Variants in PTPRS observed in about 807,000 individuals in gnomAD.
The protein encoded by PTPRS is receptor-type tyrosine-protein phosphatase S.
In PTPRS, 63 loss-of-function variants were observed where a neutral mutation model predicts 215.3. The observed-to-expected ratio is 0.29, with a 90% CI of 0.24 to 0.36. The LOEUF is 0.36. PTPRS is among the 10% of genes least tolerant of loss of function. The probability of loss-of-function intolerance (pLI) is 1.00; values close to 1 mark genes in which losing one functional copy is unlikely to be tolerated. For missense variants in PTPRS, 2,258 were observed against 2,825.8 expected (o/e 0.80, Z 4.56); for synonymous variants, 1,404 against 1,191.4 (o/e 1.18, Z -3.68).
intron 14 of PTPRS, among the ~76,000 whole-genome samples, chr19:5,230,125 A>G (rs1028643906): frequency 1.1e-4 from 16 of 152,168 alleles, no homozygotes; most frequent in Non-Finnish European, 4.4e-5. Context: ...TATGTTCCTA[A>G]ATACCCAAGC....
At chr19:5,212,570 GTGGTGGCTCA>G in intron 30 of PTPRS, 79 bp from the exon 31 acceptor site, 1 of 1,493,128 alleles carries the variant, frequency 6.7e-7, no homozygotes, top group Non-Finnish European at 9.0e-7. Flanking sequence ...GTGGCCGGGT[GTGGTGGCTCA>G]TGCCTGTTAT....
At position 5,288,002 on chromosome 19, in the gene PTPRS, A is replaced by ACACACG. The variant is rs1555800399; in HGVS notation, c.-94-1769_-94-1768insCGTGTG. Among the ~76,000 whole-genome samples, 4 of 142,020 alleles carry ACACACG rather than the reference A, an allele frequency of 2.8e-5. No individual in the cohort carries two copies. The South Asian group carries it at 8.8e-4, about 31-fold the overall frequency. 93.2% of individuals were successfully genotyped at this position (142,020 alleles called of 152,430 possible). On this transcript the variant is annotated intron_variant, in intron 1 of 37. Coordinates refer to ENST00000262963, the MANE Select transcript of PTPRS (RefSeq NM_002850.4). Reference sequence around the variant, plus strand: ...CACACACACACACACACACACACACACACACACAATCAGGCAAATAAAACT... The same window carrying ACACACG: ...CACACACACACACACACACACACACACACACGCACACACAATCAGGCAAATAAAACT...
intron 1 of PTPRS, among the ~76,000 whole-genome samples, chr19:5,311,681 G>T (rs887912048): frequency 6.6e-6 from 1 of 152,148 alleles, no homozygotes; most frequent in Non-Finnish European, 1.5e-5. Context: ...CCTGGCTGGC[G>T]GCTGGGGTGG....
chr19:5,296,587 GA>G (rs1392683117), intron 1 of PTPRS, among the ~76,000 whole-genome samples: 1 of 152,072 alleles, frequency 6.6e-6, no homozygotes, highest in Non-Finnish European at 1.5e-5. Context: ...GAGAGAAAGT[GA>G]AAGAGGATTC....
At chr19:5,217,575 G>A (rs1451450132) in intron 25 of PTPRS, among the ~76,000 whole-genome samples, 1 of 152,190 alleles carries the variant, frequency 6.6e-6, no homozygotes, top group Non-Finnish European at 1.5e-5. Context: ...AATGGCATGT[G>A]AGGCTATGCA....
At position 5,215,602 on chromosome 19, in the gene PTPRS, G is replaced by A; in HGVS notation, c.4097-7C>T. 6.3e-7 allele frequency: 1 copy of A among 1,594,046 alleles called. No homozygotes were observed. Among genetic ancestry groups the A allele is most frequent in the Non-Finnish European group, 8.6e-7 (1 of 1,167,978 alleles). On this transcript the variant is annotated splice_region_variant and splice_polypyrimidine_tract_variant and intron_variant, in intron 26 of 37. Transcript: ENST00000262963. The stretch of plus-strand genomic sequence containing the variant: ...GGCGGGTGGCTAAGCATGCCTACAG[G>A]GTGGAGCAGACCCCGCCGGGGTTGG...
At position 5,206,386 on chromosome 19, in the gene PTPRS, G is replaced by GC. The variant is rs1005431542; in HGVS notation, c.*387dup. On this transcript the variant is annotated 3_prime_UTR_variant, in exon 38 of 38. Transcript: ENST00000262963. Reference sequence around the variant, plus strand: ...TCCCCAGGCTGCAGAGCGGGGAGGAGCCCCCCGGGTCCCCCTACCACCGCT... The same window carrying GC: ...TCCCCAGGCTGCAGAGCGGGGAGGAGCCCCCCCGGGTCCCCCTACCACCGCT... 7.9e-5 allele frequency: 20 copies of GC among 252,176 alleles called. No individual in the cohort carries two copies. Among genetic ancestry groups the GC allele is most frequent in the East Asian group, 5.4e-4 (9 of 16,548 alleles). The allele number at this position is 252,176 out of a possible 1,614,324, so 15.6% of individuals were successfully genotyped here.
In PTPRS at chr19:5,287,560, A is replaced by ACCCATGCCAG. The variant is rs2048446737; in HGVS notation, c.-94-1336_-94-1327dup. 6.6e-6 allele frequency among the ~76,000 whole-genome samples: 1 copy of ACCCATGCCAG among 152,110 alleles called. No individual in the cohort carries two copies. The highest frequency in any genetic ancestry group is 2.4e-5 in the African/African-American group (1 of 41,430). ...ATCTTTGTTGCCTAGTCAGGCTGGC[A>ACCCATGCCAG]CCCATGCCAGCCCATGCCCTGGGCG... On this transcript the variant is annotated intron_variant, in intron 1 of 37. Transcript: ENST00000262963. The surrounding 1 kb of genome is among the most constrained non-coding windows in gnomAD (Gnocchi z 4.8).
chr19:5,225,185 G>A (rs1010170925), intron 17 of PTPRS, among the ~76,000 whole-genome samples: 2 of 152,180 alleles, frequency 1.3e-5, no homozygotes, highest in Non-Finnish European at 2.9e-5. Flanking sequence ...CTGAGGCAGG[G>A]CCACCAAGAG....
At chr19:5,291,767 C>T (rs1054144774) in intron 1 of PTPRS, among the ~76,000 whole-genome samples, 3 of 152,008 alleles carry the variant, frequency 2.0e-5, no homozygotes, top group African/African-American at 7.3e-5. Flanking sequence ...CCCGTTCCTC[C>T]TCTGCTCTAA....
At chr19:5,217,681 A>T (rs1277334029) in intron 25 of PTPRS, among the ~76,000 whole-genome samples, 1 of 152,244 alleles carries the variant, frequency 6.6e-6, no homozygotes, top group East Asian at 1.9e-4. Context: ...CAGTTCAGAG[A>T]TACGAAGTGG....
chr19:5,271,491 A>G lies in PTPRS; in HGVS notation c.379+1951T>C, dbSNP rs544522205. On this transcript the variant is annotated intron_variant, in intron 4 of 37. Transcript: ENST00000262963. ...CGGCTCACTGCAACCTCCACCTCCC[A>G]GGTTCAAACGATCCTCTCCTGCCTC... Among the ~76,000 whole-genome samples, 15 of 146,456 alleles carry G rather than the reference A, an allele frequency of 1.0e-4. No homozygotes were observed. In the East Asian group the frequency reaches 3.1e-3, roughly 30 times the overall value.
At chr19:5,239,453 T>C (rs2043817531) in intron 12 of PTPRS, among the ~76,000 whole-genome samples, 1 of 131,386 alleles carries the variant, frequency 7.6e-6, no homozygotes, top group Non-Finnish European at 1.6e-5. Flanking sequence ...GAGACAGAGA[T>C]AAATGGGAGA....
At chr19:5,247,558 TC>T (rs1280322162) in intron 9 of PTPRS, among the ~76,000 whole-genome samples, 1 of 152,136 alleles carries the variant, frequency 6.6e-6, no homozygotes, top group East Asian at 1.9e-4. Flanking sequence ...CATGGGTGCG[TC>T]CCCAGCTTTG....
At position 5,334,478 on chromosome 19, in the gene PTPRS, C is replaced by T. The variant is rs180838721; in HGVS notation, c.-95+6186G>A. On this transcript the variant is annotated intron_variant, in intron 1 of 37. Transcript: ENST00000262963. ...CTTCTCCATAGACAGATGAGGAAGA[C>T]GGAAGCACAGAGAGGTTGAGCAACT... is the stretch of plus-strand genomic sequence containing the variant. Among the ~76,000 whole-genome samples, 514 of 152,300 alleles carry T rather than the reference C, an allele frequency of 3.4e-3. 3 individuals carry two copies. The highest frequency in any genetic ancestry group is 5.8e-3 in the Non-Finnish European group (397 of 68,030).
In PTPRS at chr19:5,225,785, G is replaced by A. The variant is rs1416654213; in HGVS notation, c.2436C>T (p.Tyr812=). The change falls in exon 17 of 38, where the codon TAC becomes TAT. Residue 812 remains tyrosine, a synonymous_variant. Coordinates refer to ENST00000262963, the MANE Select transcript of PTPRS (RefSeq NM_002850.4). The part of the protein sequence containing the change: ...ETAYSITVAA[Y]TMKGDGARSK... ...TGCGAGCGCCATCGCCCTTCATGGT[G>A]TAGGCGGCTACCGTGATGGAGTACG... The A allele has an allele frequency of 1.2e-6, 2 of 1,614,004 alleles. No homozygotes were observed. The highest frequency in any genetic ancestry group is 2.7e-5 in the African/African-American group (2 of 74,926).
At chr19:5,268,961 G>A (rs2046667708) in intron 4 of PTPRS, among the ~76,000 whole-genome samples, 1 of 152,190 alleles carries the variant, frequency 6.6e-6, no homozygotes, top group African/African-American at 2.4e-5. Context: ...TCCTTCCTGG[G>A]CCAGGGACCT....
At position 5,264,960 on chromosome 19, in the gene PTPRS, CCT is replaced by C. The variant is rs767777432; in HGVS notation, c.568+46_568+47del. On this transcript the variant is annotated intron_variant, in intron 5 of 37. Transcript: ENST00000262963. ...TGGGCCCTGGAGATGCTCCCCACCC[CCT>C]GCTGCCCTCCAAGGCTCCCACGTCC... 8 of 1,601,878 alleles carry C rather than the reference CCT, an allele frequency of 5.0e-6. No individual in the cohort carries two copies. The African/African-American group carries it at 1.1e-4, about 21-fold the overall frequency.
chr19:5,266,899 T>C lies in PTPRS; in HGVS notation c.380-1703A>G, dbSNP rs550687881. 5.5e-4 allele frequency among the ~76,000 whole-genome samples: 84 copies of C among 152,242 alleles called. 1 individual carries two copies. Among genetic ancestry groups the C allele is most frequent in the African/African-American group, 1.9e-3 (81 of 41,550 alleles). ...AATCCCCGTTCCCACATCTGTCTAC[T>C]GATCGGAACACCACCTGGGACTAGC... On this transcript the variant is annotated intron_variant, in intron 4 of 37. Coordinates refer to ENST00000262963, the MANE Select transcript of PTPRS (RefSeq NM_002850.4).
Sources: gnomAD v4.1 joint callset for allele counts (sites outside exome capture counted in the v4.1 genomes callset) on GRCh38, gnomAD v4.1.1 for gene constraint, Gnocchi (gnomAD v3.1) non-coding constraint, MANE v1.5 for transcripts, NCBI Gene and HGNC (gene_info 2026-07-23, HGNC 2026-07-21) for gene names.